The following CNTNAP4 variants were observed in gnomAD, a reference collection of about 807,000 sequenced individuals.
CNTNAP4 encodes the protein contactin-associated protein-like 4.
CNTNAP4 carries 98 observed loss-of-function variants against 148.4 expected under a neutral mutation model. The observed-to-expected ratio is 0.66, with a 90% confidence interval of 0.56 to 0.78. The LOEUF (loss-of-function observed/expected upper bound fraction) is 0.78, where lower values mean the gene tolerates loss of function less well. Among genes scored for constraint, CNTNAP4 ranks in the 30% least tolerant of loss-of-function variants. The probability of loss-of-function intolerance (pLI) is 0.00; values close to 1 mark genes in which losing one functional copy is unlikely to be tolerated. For synonymous variants in CNTNAP4, 730 were observed against 565.1 expected, an observed-to-expected ratio of 1.29 and a Z score of -4.14; for missense variants, 1,935 against 1,565.6, an observed-to-expected ratio of 1.24 and a Z score of -3.98.
chr16:76,289,966 C>T (rs1469413017), intron 1 of CNTNAP4, among the ~76,000 whole-genome samples: 4 of 152,182 alleles, frequency 2.6e-5, no homozygotes, highest in African/African-American at 7.2e-5. Flanking sequence ...TCATCCTCCT[C>T]ATGGTACACA....
At chr16:76,445,784 T>C (rs2143109063) in intron 4 of CNTNAP4, among the ~76,000 whole-genome samples, 1 of 152,310 alleles carries the variant, frequency 6.6e-6, no homozygotes. Context: ...AGTCTTTACC[T>C]AAAATGAAAT....
At chr16:76,503,669 C>G (rs2082733737) in intron 15 of CNTNAP4, among the ~76,000 whole-genome samples, 1 of 151,836 alleles carries the variant, frequency 6.6e-6, no homozygotes, top group South Asian at 2.1e-4. Context: ...CTAATGCTAT[C>G]CCTCCCCCTT....
At chr16:76,510,949 C>T (rs1004198236) in intron 15 of CNTNAP4, among the ~76,000 whole-genome samples, 4 of 151,964 alleles carry the variant, frequency 2.6e-5, no homozygotes, top group Admixed American at 6.6e-5. Context: ...TGTCTGAATA[C>T]TCGAAGGAAC....
At chr16:76,373,616 G>T (rs375575709) in intron 3 of CNTNAP4, among the ~76,000 whole-genome samples, 3 of 152,208 alleles carry the variant, frequency 2.0e-5, no homozygotes, top group African/African-American at 4.8e-5. Flanking sequence ...CTGGACAGGC[G>T]CAGTGGCTCA....
intron 3 of CNTNAP4, among the ~76,000 whole-genome samples, chr16:76,376,198 A>C (rs1432340313): frequency 1.3e-5 from 2 of 152,186 alleles, no homozygotes; most frequent in South Asian, 2.1e-4. Flanking sequence ...TGCAAAAAAA[A>C]TACAACTCAT....
intron 17 of CNTNAP4, among the ~76,000 whole-genome samples, chr16:76,528,506 C>A (rs1231034727): frequency 6.6e-6 from 1 of 152,164 alleles, no homozygotes; most frequent in African/African-American, 2.4e-5. Context: ...TTCAAAAGAT[C>A]CACCCGCCTT....
At chr16:76,420,415 T>C (rs931437788) in intron 3 of CNTNAP4, among the ~76,000 whole-genome samples, 4 of 151,944 alleles carry the variant, frequency 2.6e-5, no homozygotes, top group African/African-American at 7.2e-5. Flanking sequence ...TGTAATTTCA[T>C]TCACTTTTAC....
chr16:76,483,639 T>C (rs1436971330), intron 12 of CNTNAP4, among the ~76,000 whole-genome samples: 1 of 152,168 alleles, frequency 6.6e-6, no homozygotes, highest in Non-Finnish European at 1.5e-5. Flanking sequence ...GGGGGCGTTT[T>C]AAACAGCAAA....
At chr16:76,299,429 T>C (rs1959690013) in intron 1 of CNTNAP4, among the ~76,000 whole-genome samples, 2 of 152,096 alleles carry the variant, frequency 1.3e-5, no homozygotes, top group African/African-American at 2.4e-5. Flanking sequence ...GAAATGCAAA[T>C]CAAAACCACA....
At chr16:76,529,578 C>T (rs190033278) in intron 17 of CNTNAP4, among the ~76,000 whole-genome samples, 21 of 152,240 alleles carry the variant, frequency 1.4e-4, no homozygotes, top group East Asian at 1.4e-3. Context: ...CAACCAGCTC[C>T]GCAATTTTTG....
intron 15 of CNTNAP4, among the ~76,000 whole-genome samples, chr16:76,517,699 A>C (rs2083302120): frequency 6.6e-6 from 1 of 152,216 alleles, no homozygotes; most frequent in Non-Finnish European, 1.5e-5. Context: ...CAATTCAGTA[A>C]TATAAAGTGT....
chr16:76,426,440 G>A (rs2079405687), intron 3 of CNTNAP4, among the ~76,000 whole-genome samples: 1 of 152,114 alleles, frequency 6.6e-6, no homozygotes, highest in African/African-American at 2.4e-5. Context: ...GAAAGAAAGA[G>A]GTGGAGGAGA....
At chr16:76,369,726 C>T (rs1000783567) in intron 3 of CNTNAP4, among the ~76,000 whole-genome samples, 1 of 152,148 alleles carries the variant, frequency 6.6e-6, no homozygotes, top group African/African-American at 2.4e-5. Flanking sequence ...CCTGTAGTCC[C>T]AGCTACTCAG....
At chr16:76,427,696 G>C (rs2079460430) in intron 4 of CNTNAP4, 97 bp downstream of exon 4, 1 of 1,123,688 alleles carries the variant, frequency 8.9e-7, no homozygotes, top group South Asian at 1.8e-5. Flanking sequence ...GCTACATAAA[G>C]AGGTATAAAA....
At chr16:76,399,050 C>T (rs566949817) in intron 3 of CNTNAP4, among the ~76,000 whole-genome samples, 4 of 152,068 alleles carry the variant, frequency 2.6e-5, no homozygotes, top group South Asian at 2.1e-4. Flanking sequence ...AATTCCCCTG[C>T]GCAAGCTCTC....
chr16:76,358,770 C>T (rs953021984), intron 3 of CNTNAP4, among the ~76,000 whole-genome samples: 1 of 152,042 alleles, frequency 6.6e-6, no homozygotes, highest in African/African-American at 2.4e-5. Flanking sequence ...ACAATAGACA[C>T]CATTACCACA....
intron 3 of CNTNAP4, among the ~76,000 whole-genome samples, chr16:76,404,610 T>G (rs1221347800): frequency 6.6e-6 from 1 of 152,168 alleles, no homozygotes; most frequent in Non-Finnish European, 1.5e-5. Context: ...ATTTGATAAA[T>G]TGCTCTTAAG....
At chr16:76,492,595 G>T (rs576879624) in intron 13 of CNTNAP4, among the ~76,000 whole-genome samples, 1 of 152,146 alleles carries the variant, frequency 6.6e-6, no homozygotes, top group African/African-American at 2.4e-5. Flanking sequence ...TAATCCTCAC[G>T]TGTCAAGGGC....
chr16:76,532,910 G>T (rs1021704079), intron 17 of CNTNAP4, among the ~76,000 whole-genome samples: 2 of 152,148 alleles, frequency 1.3e-5, no homozygotes, highest in Non-Finnish European at 2.9e-5. Flanking sequence ...AAGGGCAGAA[G>T]AGAGACTTCA....
Sources: gnomAD v4.1 joint callset for allele counts (sites outside exome capture counted in the v4.1 genomes callset) on GRCh38, gnomAD v4.1.1 for gene constraint, MANE v1.5 for transcripts, NCBI Gene and HGNC (gene_info 2026-07-23, HGNC 2026-07-21) for gene names.